ZBTB48: variants seen among roughly 807,000 people sequenced by gnomAD.
ZBTB48 encodes the protein zinc finger and BTB domain containing 48.
ZBTB48 carries 35 observed loss-of-function variants against 64.5 expected under a neutral mutation model. The ratio of observed to expected loss-of-function variants is 0.54; its 90% CI spans 0.41 to 0.72. The LOEUF is 0.72. ZBTB48 is among the 30% of genes least tolerant of loss of function. The pLI is 0.00. For synonymous variants in ZBTB48, 442 were observed against 356.7 expected (o/e 1.24, Z -2.70); for missense variants, 828 against 895.3 (o/e 0.92, Z 0.96).
chr1:6,586,169 T>G, intron 4 of ZBTB48, 139 bp downstream of exon 4: 1 of 814,338 alleles, frequency 1.2e-6, no homozygotes, highest in Non-Finnish European at 2.0e-6. Context: ...TTGGATGTCA[T>G]GAGGTCCATG....
chr1:6,588,679 G>A, intron 9 of ZBTB48, 77 bp from the exon 10 acceptor site: 1 of 1,598,802 alleles, frequency 6.3e-7, no homozygotes. Context: ...CTTGCTGCCT[G>A]TCCCAACCTC....
chr1:6,582,178 C>G lies in ZBTB48; in HGVS notation c.811C>G (p.Leu271Val). ...AAAGCCCTGTGCAGCTGAGCCAGCC[C>G]TGAGCGCGGGCTCCCTAGCAGCTGA... ...IRKPCAAEPALSAGSLAAEPA... is the reference protein window; with the variant it reads ...IRKPCAAEPAVSAGSLAAEPA... The change falls in exon 3 of 11, where the codon CTG becomes GTG. Residue 271 changes from leucine to valine, a missense_variant. Leu to Val is a conservative substitution (Grantham distance 32). Transcript: ENST00000377674. 1.2e-6 allele frequency: 2 copies of G among 1,614,192 alleles called. No homozygotes were observed.
intron 4 of ZBTB48, 88 bp downstream of exon 4, chr1:6,586,118 T>A: frequency 1.5e-6 from 2 of 1,312,524 alleles, no homozygotes; most frequent in South Asian, 1.2e-5. Flanking sequence ...CAGGAGACTG[T>A]CTGAGAGGGG....
intron 4 of ZBTB48, 57 bp from the exon 5 acceptor site, chr1:6,586,638 C>T: frequency 4.8e-6 from 7 of 1,466,988 alleles, no homozygotes; most frequent in Non-Finnish European, 5.4e-6. Context: ...GCAGAGGCTG[C>T]TGTCATAGGC....
At chr1:6,582,398 G>A in intron 3 of ZBTB48, 99 bp downstream of exon 3, 1 of 1,481,604 alleles carries the variant, frequency 6.7e-7, no homozygotes, top group South Asian at 1.3e-5. Flanking sequence ...AGGGGCTGGG[G>A]GATCCATCTC....
intron 9 of ZBTB48, 55 bp downstream of exon 9, chr1:6,588,497 C>T: frequency 1.4e-6 from 2 of 1,462,134 alleles, no homozygotes; most frequent in South Asian, 1.4e-5. Flanking sequence ...TGGAGGGTCT[C>T]TGAGGAGGAA....
At position 6,584,880 on chromosome 1, in the gene ZBTB48, C is replaced by T. The variant is rs947329726; in HGVS notation, c.933-1039C>T. Among the ~76,000 whole-genome samples, 13 of 152,082 alleles carry T rather than the reference C, an allele frequency of 8.5e-5. No individual in the cohort carries two copies. The highest frequency in any genetic ancestry group is 2.2e-4 in the African/African-American group (9 of 41,398). ...TGCACAGGGGCTCTGAGGTCGAGTTCGTTTAGTTCATTGATTAAGCAGTCT... is the reference window on the plus strand; with the variant it reads ...TGCACAGGGGCTCTGAGGTCGAGTTTGTTTAGTTCATTGATTAAGCAGTCT... On this transcript the variant is annotated intron_variant, in intron 3 of 10. Transcript: ENST00000377674. The surrounding 1 kb of genome is among the most constrained non-coding windows in gnomAD (Gnocchi z 4.5).
chr1:6,582,195 A>G lies in ZBTB48; in HGVS notation c.828A>G (p.Leu276=), dbSNP rs774212996. 10 of 1,614,142 alleles carry G rather than the reference A, an allele frequency of 6.2e-6. No homozygotes were observed. The highest frequency in any genetic ancestry group is 4.0e-5 in the African/African-American group (3 of 74,948). The change falls in exon 3 of 11, where the codon CTA becomes CTG. Residue 276 remains leucine, a synonymous_variant. Coordinates refer to ENST00000377674, the MANE Select transcript of ZBTB48 (RefSeq NM_005341.4). ...AGCCAGCCCTGAGCGCGGGCTCCCT[A>G]GCAGCTGAGCCTGCTGAGAACAGAA... ...AAEPALSAGS[L]AAEPAENRKG...
rs754397637 is a variant in ZBTB48, at chr1:6,589,014, G to C, written c.1869G>C (p.Met623Ile). Residue 623 changes from methionine to isoleucine, a missense_variant, in exon 11 of 11, where the codon ATG becomes ATC. By Grantham distance (10) the Met-to-Ile change is conservative. Coordinates refer to ENST00000377674, the MANE Select transcript of ZBTB48 (RefSeq NM_005341.4). ...LRNLIIEDEK[M>I]VVVALQPPAE... ...ACCTGATCATCGAGGACGAGAAGAT[G>C]GTGGTGGTGGCGCTGCAGCCGCCTG... The C allele has an allele frequency of 6.9e-6, 11 of 1,596,436 alleles. No homozygotes were observed. The highest frequency in any genetic ancestry group is 1.7e-5 in the Admixed American group (1 of 57,962).
At chr1:6,582,573 G>T (rs1486678586) in intron 3 of ZBTB48, among the ~76,000 whole-genome samples, 1 of 152,224 alleles carries the variant, frequency 6.6e-6, no homozygotes, top group African/African-American at 2.4e-5. Flanking sequence ...TTGACCTCCA[G>T]CTGGTCTCTG....
At chr1:6,586,485 C>T (rs1338096247) in intron 4 of ZBTB48, 1 of 1,081,198 alleles carries the variant, frequency 9.2e-7, no homozygotes, top group Non-Finnish European at 1.3e-6. Context: ...CCCAGTCTGT[C>T]TGGGCCTGAG....
Position 6,589,082 on chromosome 1 carries a change from T to C in ZBTB48, c.1937T>C (p.Leu646Pro). 6.2e-7 allele frequency: 1 copy of C among 1,608,414 alleles called. No individual in the cohort carries two copies. Among genetic ancestry groups the C allele is most frequent in the Non-Finnish European group, 8.5e-7 (1 of 1,177,990 alleles). ...VGSAEVIVES[L>P]AQGGLASQLP... Reference sequence around the variant, plus strand: ...TCGGCGGAGGTCATTGTGGAGTCCCTGGCCCAGGGCGGCCTGGCCTCCCAG... The same window carrying C: ...TCGGCGGAGGTCATTGTGGAGTCCCCGGCCCAGGGCGGCCTGGCCTCCCAG... Residue 646 changes from leucine (L) to proline (P), a missense_variant, in exon 11 of 11, where the codon CTG becomes CCG. By Grantham distance (98) the Leu-to-Pro change is moderately conservative. Transcript: ENST00000377674.
rs910566077 is a variant in ZBTB48, at chr1:6,584,604, A to G, written c.933-1315A>G. Reference sequence around the variant, plus strand: ...CAGCTGCTGCCAGTGGAATGCTGGGATAACCCCAGTGTCGGGGGTCCTGGG... The same window carrying G: ...CAGCTGCTGCCAGTGGAATGCTGGGGTAACCCCAGTGTCGGGGGTCCTGGG... On this transcript the variant is annotated intron_variant, in intron 3 of 10. Transcript: ENST00000377674. This position sits in a 1 kb window ranked among gnomAD's most constrained non-coding sequence, Gnocchi z 4.5. Among the ~76,000 whole-genome samples the G allele has an allele frequency of 5.3e-5, 8 of 152,240 alleles. No individual in the cohort carries two copies. The highest frequency in any genetic ancestry group is 4.6e-4 in the Admixed American group (7 of 15,290).
intron 3 of ZBTB48, 137 bp downstream of exon 3, chr1:6,582,436 C>T (rs1640507514): frequency 8.5e-7 from 1 of 1,183,092 alleles, no homozygotes; most frequent in Non-Finnish European, 1.2e-6. Context: ...GGCCTTGGTA[C>T]ACCTCTGATA....
intron 3 of ZBTB48, chr1:6,585,448 T>A: frequency 5.6e-6 from 1 of 180,068 alleles, no homozygotes; most frequent in Non-Finnish European, 1.2e-5. Flanking sequence ...TCCTTCTGGC[T>A]CCTGAACTGA....
At chr1:6,587,024 T>A in intron 5 of ZBTB48, 181 bp from the exon 6 acceptor site, 1 of 863,522 alleles carries the variant, frequency 1.2e-6, no homozygotes, top group Non-Finnish European at 1.9e-6. Flanking sequence ...AGGCTTGGCA[T>A]CCTCTGGGCA....
rs1347503321 is a variant in ZBTB48, at chr1:6,585,955, A to G, written c.969A>G (p.Lys323=). 3 of 1,613,990 alleles carry G rather than the reference A, an allele frequency of 1.9e-6. No individual in the cohort carries two copies. In the African/African-American group the frequency reaches 4.0e-5, roughly 22 times the overall value. Residue 323 remains lysine, a synonymous_variant, in exon 4 of 11, where the codon AAA becomes AAG. Transcript: ENST00000377674. The part of the protein sequence containing the change: ...HTGEKPFECP[K]CGKCYFRKEN... ...GGGAGAAACCCTTTGAGTGTCCCAAATGTGGGAAGTGTTACTTTCGGAAGG... is the reference window on the plus strand; with the variant it reads ...GGGAGAAACCCTTTGAGTGTCCCAAGTGTGGGAAGTGTTACTTTCGGAAGG...
At chr1:6,588,670 T>C in intron 9 of ZBTB48, 86 bp from the exon 10 acceptor site, 1 of 1,583,338 alleles carries the variant, frequency 6.3e-7, no homozygotes, top group Non-Finnish European at 8.6e-7. Flanking sequence ...GTCCCCTCCC[T>C]TGCTGCCTGT....
chr1:6,588,332 A>G lies in ZBTB48; in HGVS notation c.1571A>G (p.Glu524Gly). The change falls in exon 9 of 11, where the codon GAG (glutamate) becomes GGG (glycine). Residue 524 changes from glutamate (E) to glycine (G), a missense_variant. Glu to Gly is a moderately conservative substitution (Grantham distance 98). Coordinates refer to ENST00000377674, the MANE Select transcript of ZBTB48 (RefSeq NM_005341.4). ...THTGERPFSC[E>G]FCEQRFTEKG... ...ACCGGGGAAAGGCCCTTCAGTTGCG[A>G]GTTCTGTGAACAGCGCTTCACTGAG... 1 of 1,608,192 alleles carries G rather than the reference A, an allele frequency of 6.2e-7. No homozygotes were observed. Among genetic ancestry groups the G allele is most frequent in the Non-Finnish European group, 8.5e-7 (1 of 1,175,660 alleles).
Sources: allele counts gnomAD v4.1 joint callset (sites outside exome capture counted in the v4.1 genomes callset), GRCh38; gene constraint gnomAD v4.1.1; non-coding constraint Gnocchi (gnomAD v3.1); transcripts MANE v1.5; gene names NCBI Gene and HGNC (gene_info 2026-07-23, HGNC 2026-07-21).